Variants in FRAS1 observed in about 807,000 individuals in gnomAD.
FRAS1 encodes Fraser extracellular matrix complex subunit 1, also known as extracellular matrix organizing protein FRAS1.
In FRAS1, 290 loss-of-function variants were observed where a neutral mutation model predicts 435.2. That is an observed-to-expected ratio of 0.67 (90% CI 0.61 to 0.73). FRAS1 has a LOEUF of 0.73. Among genes scored for constraint, FRAS1 ranks in the 30% least tolerant of loss-of-function variants. The pLI is 0.00. For missense variants in FRAS1, 4,860 were observed against 5,001.5 expected (o/e 0.97, Z 0.85); for synonymous variants, 1,800 against 1,851.0 (o/e 0.97, Z 0.71).
At chr4:78,066,554 G>C (rs141611373) in intron 2 of FRAS1, among the ~76,000 whole-genome samples, 1 of 152,118 alleles carries the variant, frequency 6.6e-6, no homozygotes, top group African/African-American at 2.4e-5. Flanking sequence ...ATGACTTGGG[G>C]GAAAGGCTGA....
rs1377987150 is a variant in FRAS1, at chr4:78,116,883, C to T, written c.108+50867C>T. Among the ~76,000 whole-genome samples, 4 of 152,160 alleles carry T rather than the reference C, an allele frequency of 2.6e-5. No homozygotes were observed. In the South Asian group the frequency reaches 8.3e-4, roughly 32 times the overall value. ...TTTGATCCTGTCATTATGATGTTAGCTGGTTATTTTGCTCATTAGTTGATG... is the reference window on the plus strand; with the variant it reads ...TTTGATCCTGTCATTATGATGTTAGTTGGTTATTTTGCTCATTAGTTGATG... On this transcript the variant is annotated intron_variant, in intron 2 of 73. Coordinates refer to ENST00000512123, the MANE Select transcript of FRAS1 (RefSeq NM_025074.7).
intron 2 of FRAS1, among the ~76,000 whole-genome samples, chr4:78,196,731 C>T (rs1417180921): frequency 6.6e-6 from 1 of 151,914 alleles, no homozygotes; most frequent in Non-Finnish European, 1.5e-5. Context: ...TTCTCTGTTC[C>T]TCAGAAGTAT....
In FRAS1 at chr4:78,432,747, T is replaced by C. The variant is rs997398841; in HGVS notation, c.5217+143T>C. 3 of 905,884 alleles carry C rather than the reference T, an allele frequency of 3.3e-6. No individual in the cohort carries two copies. The African/African-American group carries it at 5.0e-5, about 15-fold the overall frequency. 56.1% of individuals were successfully genotyped at this position (905,884 alleles called of 1,614,324 possible). ...CATTTTTCTCAGCTTCCCTACCTTCTACTGTTAGGAGTAGTTATGCTGTTT... is the reference window on the plus strand; with the variant it reads ...CATTTTTCTCAGCTTCCCTACCTTCCACTGTTAGGAGTAGTTATGCTGTTT... On this transcript the variant is annotated intron_variant, in intron 38 of 73. Coordinates refer to ENST00000512123, the MANE Select transcript of FRAS1 (RefSeq NM_025074.7).
chr4:78,242,612 T>G (rs1725054350), intron 3 of FRAS1, among the ~76,000 whole-genome samples: 1 of 152,154 alleles, frequency 6.6e-6, no homozygotes, highest in Non-Finnish European at 1.5e-5. Flanking sequence ...ATTTTGTATT[T>G]TTTAGGAGAG....
chr4:78,538,811 C>T (rs1263272534), intron 72 of FRAS1, among the ~76,000 whole-genome samples: 1 of 151,932 alleles, frequency 6.6e-6, no homozygotes, highest in African/African-American at 2.4e-5. Context: ...AAAAATTAGC[C>T]TGGTGTGGTG....
chr4:78,473,686 T>G, intron 53 of FRAS1, 89 bp downstream of exon 53: 1 of 934,060 alleles, frequency 1.1e-6, no homozygotes, highest in African/African-American at 1.6e-5. Flanking sequence ...GCAGCTCTAG[T>G]CACCTCTTGA....
At chr4:78,399,687 G>T (rs1267049967) in intron 29 of FRAS1, among the ~76,000 whole-genome samples, 1 of 152,190 alleles carries the variant, frequency 6.6e-6, no homozygotes, top group African/African-American at 2.4e-5. Flanking sequence ...GGTCCTGTCA[G>T]TTCTGCTTCT....
chr4:78,165,267 C>T (rs992882957), intron 2 of FRAS1, among the ~76,000 whole-genome samples: 19 of 152,286 alleles, frequency 1.2e-4, no homozygotes, highest in African/African-American at 4.6e-4. Context: ...TAGTGCCTTA[C>T]AGTGTGTTCC....
At chr4:78,063,768 G>A (rs1739866289) in intron 1 of FRAS1, among the ~76,000 whole-genome samples, 2 of 152,228 alleles carry the variant, frequency 1.3e-5, no homozygotes, top group African/African-American at 2.4e-5. Flanking sequence ...AATTGACTTT[G>A]GAAGGTAATG....
chr4:78,084,191 T>A (rs1360707217), intron 2 of FRAS1, among the ~76,000 whole-genome samples: 2 of 152,152 alleles, frequency 1.3e-5, no homozygotes, highest in Non-Finnish European at 2.9e-5. Context: ...AAATATTTTT[T>A]TGGGGGACCA....
intron 18 of FRAS1, among the ~76,000 whole-genome samples, chr4:78,332,471 G>T (rs1429915469): frequency 2.0e-5 from 3 of 152,174 alleles, no homozygotes; most frequent in African/African-American, 7.2e-5. Flanking sequence ...CTTTTCACCT[G>T]TGGGTTGTTC....
At chr4:78,456,628 A>G (rs908302573) in intron 47 of FRAS1, among the ~76,000 whole-genome samples, 2 of 152,192 alleles carry the variant, frequency 1.3e-5, no homozygotes, top group Non-Finnish European at 2.9e-5. Context: ...TTCAAGGGAT[A>G]GGGCGTTTGG....
At chr4:78,486,860 G>A (rs1720186146) in intron 58 of FRAS1, among the ~76,000 whole-genome samples, 1 of 145,362 alleles carries the variant, frequency 6.9e-6, no homozygotes, top group African/African-American at 2.6e-5. Context: ...TGGCAGACAG[G>A]GATAGAAGTG....
At chr4:78,312,963 T>A (rs1438201687) in intron 15 of FRAS1, among the ~76,000 whole-genome samples, 2 of 152,160 alleles carry the variant, frequency 1.3e-5, no homozygotes, top group Non-Finnish European at 2.9e-5. Context: ...GGGAAGAAAT[T>A]ACATCTTCCT....
intron 20 of FRAS1, 184 bp downstream of exon 20, chr4:78,338,001 A>G: frequency 8.5e-6 from 5 of 586,168 alleles, no homozygotes; most frequent in South Asian, 6.2e-5. Flanking sequence ...GTGGATTTAA[A>G]TAGAACTTCT....
intron 14 of FRAS1, among the ~76,000 whole-genome samples, chr4:78,292,302 G>T (rs13114110): frequency 0.29 from 44,457 of 151,940 alleles, 7,494 homozygotes; most frequent in East Asian, 0.38. Flanking sequence ...TTTTAAAAAG[G>T]AAAGAAAATT....
intron 66 of FRAS1, among the ~76,000 whole-genome samples, chr4:78,516,508 C>A (rs552367409): frequency 9.9e-5 from 15 of 152,218 alleles, no homozygotes; most frequent in Middle Eastern, 3.4e-3. Flanking sequence ...CTGCCAGCCC[C>A]CACAAAAATA....
At chr4:78,417,611 G>T (rs1383044118) in intron 32 of FRAS1, among the ~76,000 whole-genome samples, 1 of 152,154 alleles carries the variant, frequency 6.6e-6, no homozygotes, top group Admixed American at 6.5e-5. Context: ...CTGAGCAAGG[G>T]CCTGAAATAT....
At chr4:78,340,291 T>G (rs1338401447) in intron 20 of FRAS1, among the ~76,000 whole-genome samples, 2 of 152,202 alleles carry the variant, frequency 1.3e-5, no homozygotes, top group African/African-American at 4.8e-5. Flanking sequence ...TGGTTTTAAA[T>G]GAGGTAACCA....
Sources: allele counts gnomAD v4.1 joint callset (sites outside exome capture counted in the v4.1 genomes callset), GRCh38; gene constraint gnomAD v4.1.1; transcripts MANE v1.5; gene names NCBI Gene and HGNC (gene_info 2026-07-23, HGNC 2026-07-21).